NELL2: variants seen among roughly 807,000 people sequenced by gnomAD.
NELL2 encodes the protein protein kinase C-binding protein NELL2.
A neutral mutation model predicts 109.6 loss-of-function variants in NELL2; 41 were observed. That is an observed-to-expected ratio of 0.37 (90% CI 0.29 to 0.49). NELL2 has a LOEUF of 0.49. Ranked by LOEUF, NELL2 falls within the 20% of genes least tolerant of loss-of-function variation. The pLI is 0.98. For synonymous variants in NELL2, 355 were observed against 344.7 expected, an observed-to-expected ratio of 1.03 and a Z score of -0.33; for missense variants, 900 against 1,008.3, an observed-to-expected ratio of 0.89 and a Z score of 1.45.
At chr12:44,642,368 A>G (rs1006000988) in intron 13 of NELL2, among the ~76,000 whole-genome samples, 11 of 152,258 alleles carry the variant, frequency 7.2e-5, no homozygotes, top group African/African-American at 2.7e-4. Context: ...CAATACACAC[A>G]TAATAAAACA....
At chr12:44,873,389 T>C (rs550311532) in intron 2 of NELL2, among the ~76,000 whole-genome samples, 6 of 152,268 alleles carry the variant, frequency 3.9e-5, no homozygotes, top group Non-Finnish European at 7.4e-5. Flanking sequence ...TTTGACAATT[T>C]AAATAAAAAT....
At chr12:44,780,551 G>A (rs774842443) in intron 3 of NELL2, among the ~76,000 whole-genome samples, 1 of 151,714 alleles carries the variant, frequency 6.6e-6, no homozygotes, top group Non-Finnish European at 1.5e-5. Flanking sequence ...GCCAAGTTTA[G>A]AGCCAAGAAT....
chr12:44,788,318 G>C (rs1216994141), intron 3 of NELL2, among the ~76,000 whole-genome samples: 1 of 152,148 alleles, frequency 6.6e-6, no homozygotes, highest in East Asian at 1.9e-4. Context: ...CAGGACACCG[G>C]AGACACTCCA....
At chr12:44,740,116 A>G (rs541168398) in intron 9 of NELL2, among the ~76,000 whole-genome samples, 1 of 152,310 alleles carries the variant, frequency 6.6e-6, no homozygotes, top group African/African-American at 2.4e-5. Context: ...GGCAAAACAT[A>G]GTAATCCAGT....
At chr12:44,880,138 CACAGAG>C (rs766359325), upstream of NELL2, among the ~76,000 whole-genome samples, 1 of 139,484 alleles carries the variant, frequency 7.2e-6, no homozygotes, top group Non-Finnish European at 1.6e-5. Flanking sequence ...CACACACACA[CACAGAG>C]AGAGAGAGAG....
chr12:44,517,586 A>C (rs1275277313), intron 19 of NELL2, among the ~76,000 whole-genome samples: 1 of 152,160 alleles, frequency 6.6e-6, no homozygotes, highest in Non-Finnish European at 1.5e-5. Context: ...ACAGTGTGCT[A>C]TCTAATATGA....
chr12:44,572,657 T>C (rs773451901), intron 15 of NELL2, among the ~76,000 whole-genome samples: 2 of 152,128 alleles, frequency 1.3e-5, no homozygotes, highest in Non-Finnish European at 2.9e-5. Context: ...CTAGAGAATA[T>C]AAATATATAA....
At position 44,627,429 on chromosome 12, in the gene NELL2, C is replaced by CAAAAAA. The variant is rs200944318; in HGVS notation, c.1445-16465_1445-16460dup. The stretch of plus-strand genomic sequence containing the variant: ...TACTTCACAGAAAAAGCAGATGTAC[C>CAAAAAA]AAAAAAAAAAAAAATCAGAACTGAA... On this transcript the variant is annotated intron_variant, in intron 13 of 19. Transcript: ENST00000429094. Among the ~76,000 whole-genome samples, 68 of 139,734 alleles carry CAAAAAA rather than the reference C, an allele frequency of 4.9e-4. 1 individual carries two copies. Among genetic ancestry groups the CAAAAAA allele is most frequent in the Admixed American group, 7.9e-4 (11 of 13,844 alleles). 91.7% of individuals were successfully genotyped at this position (139,734 alleles called of 152,430 possible). A position where few individuals can be genotyped will look rare whatever the true frequency, so the allele number is the denominator to read the frequency against.
chr12:44,882,690 G>A (rs957546858), intron 1 of NELL2, among the ~76,000 whole-genome samples: 4 of 151,428 alleles, frequency 2.6e-5, no homozygotes, highest in Non-Finnish European at 5.9e-5. Context: ...ACCAGGCCTG[G>A]CTAAGTTTTG....
At chr12:44,565,311 T>G (rs1399331219) in intron 15 of NELL2, among the ~76,000 whole-genome samples, 1 of 152,168 alleles carries the variant, frequency 6.6e-6, no homozygotes, top group Non-Finnish European at 1.5e-5. Context: ...AAGTTGCACA[T>G]AATAACGATT....
chr12:44,736,726 T>A (rs550526116), intron 9 of NELL2, among the ~76,000 whole-genome samples: 62 of 152,262 alleles, frequency 4.1e-4, no homozygotes, highest in Non-Finnish European at 6.8e-4. Flanking sequence ...ATAATTATAC[T>A]GTTAATATTT....
intron 14 of NELL2, among the ~76,000 whole-genome samples, chr12:44,608,903 T>C (rs938319341): frequency 2.0e-5 from 3 of 149,770 alleles, no homozygotes; most frequent in East Asian, 1.9e-4. Context: ...CATATATATA[T>C]ACATATATAT....
chr12:44,896,281 T>C (rs1945591854), intron 1 of NELL2, among the ~76,000 whole-genome samples: 1 of 152,102 alleles, frequency 6.6e-6, no homozygotes, highest in Non-Finnish European at 1.5e-5. Flanking sequence ...CAGCAAAGTT[T>C]AAAAAAAGAA....
chr12:44,540,085 G>A (rs946151668), intron 15 of NELL2, among the ~76,000 whole-genome samples: 1 of 152,146 alleles, frequency 6.6e-6, no homozygotes, highest in Admixed American at 6.6e-5. Flanking sequence ...TGAAGAGAAT[G>A]TGTTAATTTT....
At chr12:44,564,162 T>A (rs2136186675) in intron 15 of NELL2, among the ~76,000 whole-genome samples, 1 of 152,288 alleles carries the variant, frequency 6.6e-6, no homozygotes, top group South Asian at 2.1e-4. Flanking sequence ...AACTAAACAT[T>A]TTACCTATAG....
chr12:44,556,456 G>A (rs998541964), intron 15 of NELL2, among the ~76,000 whole-genome samples: 15 of 152,148 alleles, frequency 9.9e-5, no homozygotes, highest in Admixed American at 9.8e-4. Flanking sequence ...AATCTTAGTA[G>A]GTCATCAGTC....
At chr12:44,888,936 T>G (rs4768578) in intron 1 of NELL2, among the ~76,000 whole-genome samples, 21,698 of 151,960 alleles carry the variant, frequency 0.14, 1,834 homozygotes, top group East Asian at 0.22. Context: ...ACTTAGGAGC[T>G]CTGGGGTCGA....
chr12:44,647,425 A>T (rs1268382850), intron 13 of NELL2, among the ~76,000 whole-genome samples: 1 of 152,216 alleles, frequency 6.6e-6, no homozygotes, highest in Non-Finnish European at 1.5e-5. Context: ...TTTCTCATCT[A>T]TGCAACAGGG....
At chr12:44,887,379 T>C (rs1313307407) in intron 1 of NELL2, among the ~76,000 whole-genome samples, 2 of 152,010 alleles carry the variant, frequency 1.3e-5, no homozygotes, top group African/African-American at 4.8e-5. Flanking sequence ...GTAATTTACA[T>C]TTCCACCAAG....
Sources: allele counts gnomAD v4.1 joint callset (sites outside exome capture counted in the v4.1 genomes callset), GRCh38; gene constraint gnomAD v4.1.1; transcripts MANE v1.5; gene names NCBI Gene and HGNC (gene_info 2026-07-23, HGNC 2026-07-21).